APEH: variants seen among roughly 807,000 people sequenced by gnomAD.
APEH encodes acylaminoacyl-peptide hydrolase, also known as acylamino-acid-releasing enzyme.
Under a neutral mutation model 102.7 loss-of-function variants are expected in APEH, and 75 were observed. The ratio of observed to expected loss-of-function variants is 0.73; its 90% CI spans 0.61 to 0.89. The LOEUF is 0.89. Ranked by LOEUF, APEH falls within the 40% of genes least tolerant of loss-of-function variation. The pLI is 0.00. For synonymous variants in APEH, 344 were observed against 362.7 expected (o/e 0.95, Z 0.59); for missense variants, 863 against 941.2 (o/e 0.92, Z 1.09).
intron 13 of APEH, 122 bp from the exon 14 acceptor site, chr3:49,680,419 C>A: frequency 1.2e-6 from 1 of 829,226 alleles, no homozygotes; most frequent in Non-Finnish European, 2.0e-6. Context: ...TTGTGAAAGG[C>A]ACTTCTCGGG....
chr3:49,675,253 C>T lies in APEH; in HGVS notation c.216C>T (p.Asp72=), dbSNP rs761871519. The T allele has an allele frequency of 5.0e-6, 8 of 1,614,014 alleles. No individual in the cohort carries two copies. The highest frequency in any genetic ancestry group is 1.1e-5 in the South Asian group (1 of 91,068). The change falls in exon 3 of 22, where the codon GAC becomes GAT. Residue 72 remains aspartate, a synonymous_variant. Transcript: ENST00000296456. The stretch of plus-strand genomic sequence containing the variant: ...GCCGCCAATACCTGGTGTTCCATGA[C>T]GGGGACTCAGTGGTGTTTGCAGGAC... ...RFCRQYLVFH[D]GDSVVFAGPA...
rs551938167 is a variant in APEH at position 49,677,539 on chromosome 3, C to G, written c.1000-34C>G. ...CTGTGCCCTAAGGGAACTGCCTGTC[C>G]CCTACTGGACCTGACCATTGTGTTC... On this transcript the variant is annotated intron_variant, in intron 10 of 21. Coordinates refer to ENST00000296456, the MANE Select transcript of APEH (RefSeq NM_001640.4). 3.8e-6 allele frequency: 6 copies of G among 1,592,578 alleles called. No individual in the cohort carries two copies. The South Asian group carries it at 5.5e-5, about 15-fold the overall frequency.
At chr3:49,676,877 G>A in intron 9 of APEH, 26 bp from the exon 10 acceptor site, 1 of 1,614,252 alleles carries the variant, frequency 6.2e-7, no homozygotes, top group Non-Finnish European at 8.5e-7. Context: ...CAGCCTGCGT[G>A]ATGCTCATGT....
rs140212646 is a variant in APEH, at chr3:49,678,791, T to G, written c.1061-61T>G. 1.8e-4 allele frequency: 258 copies of G among 1,411,836 alleles called. 1 individual carries two copies. The African/African-American group carries it at 3.3e-3, about 18-fold the overall frequency. The allele number at this position is 1,411,836 out of a possible 1,614,324, so 87.5% of individuals were successfully genotyped here. On this transcript the variant is annotated intron_variant, in intron 11 of 21. Coordinates refer to ENST00000296456, the MANE Select transcript of APEH (RefSeq NM_001640.4). Reference sequence around the variant, plus strand: ...GAATTCCCCAGTACCCTAGCCTTCCTTGTAGACTACCCTCCCTACCTCCAC... The same window carrying G: ...GAATTCCCCAGTACCCTAGCCTTCCGTGTAGACTACCCTCCCTACCTCCAC...
chr3:49,678,931 G>A lies in APEH; in HGVS notation c.1140G>A (p.Ser380=), dbSNP rs146708014. Residue 380 remains serine (S), a synonymous_variant, in exon 12 of 22, where the codon TCG becomes TCA. Coordinates refer to ENST00000296456, the MANE Select transcript of APEH (RefSeq NM_001640.4). ...SADSQRVVFD[S]AQRSRQDLFA... ...ACAGCCAGAGAGTGGTCTTTGACTC[G>A]GCTCAGCGCAGCCGGCAGGTGAGGG... is the stretch of plus-strand genomic sequence containing the variant. The A allele has an allele frequency of 2.9e-4, 465 of 1,613,632 alleles. 1 individual carries two copies. The highest frequency in any genetic ancestry group is 3.2e-4 in the Non-Finnish European group (382 of 1,179,858).
chr3:49,680,678 C>A, intron 14 of APEH, 49 bp downstream of exon 14: 1 of 1,519,232 alleles, frequency 6.6e-7, no homozygotes, highest in Non-Finnish European at 9.1e-7. Flanking sequence ...TCTGGGCAGG[C>A]AGAGCTCACC....
At chr3:49,682,280 G>A (rs898720774) in intron 17 of APEH, 68 bp from the exon 18 acceptor site, 1 of 1,453,146 alleles carries the variant, frequency 6.9e-7, no homozygotes, top group South Asian at 1.2e-5. Flanking sequence ...TCACAGATGT[G>A]TGAAAAGAGC....
chr3:49,679,868 T>A lies in APEH; in HGVS notation c.1210+224T>A, dbSNP rs2053239844. ...TCCCTGCTCTACTGCCCTTTAGCAC[T>A]CAACTCTGTTCCATGTGTCCTGGCC... On this transcript the variant is annotated intron_variant, in intron 13 of 21. Transcript: ENST00000296456. The surrounding 1 kb of genome is among the most constrained non-coding windows in gnomAD (Gnocchi z 4.3). 1 of 507,290 alleles carries A rather than the reference T, an allele frequency of 2.0e-6. No individual in the cohort carries two copies. Among genetic ancestry groups the A allele is most frequent in the African/African-American group, 1.9e-5 (1 of 51,698 alleles). The allele number at this position is 507,290 out of a possible 1,614,324, so 31.4% of individuals were successfully genotyped here.
Position 49,682,946 on chromosome 3 carries a change from G to A in APEH, c.1986+1G>A. 2 of 1,613,692 alleles carry A rather than the reference G, an allele frequency of 1.2e-6. No individual in the cohort carries two copies. The highest frequency in any genetic ancestry group is 8.5e-7 in the Non-Finnish European group (1 of 1,179,856). Reference sequence around the variant, plus strand: ...ATCGCCCATCAGATACATCCCTCAGGTATGCAGCCCCCTCCTTGCCCTGTG... The same window carrying A: ...ATCGCCCATCAGATACATCCCTCAGATATGCAGCCCCCTCCTTGCCCTGTG... On this transcript the variant is annotated splice_donor_variant, in intron 20 of 21. Coordinates refer to ENST00000296456, the MANE Select transcript of APEH (RefSeq NM_001640.4). LOFTEE classifies it high-confidence loss of function.
Position 49,678,907 on chromosome 3 carries a change from C to T in APEH, c.1116C>T (p.Asp372=). 1 of 1,613,944 alleles carries T rather than the reference C, an allele frequency of 6.2e-7. No homozygotes were observed. Residue 372 remains aspartate, a synonymous_variant, in exon 12 of 22, where the codon GAC becomes GAT. Coordinates refer to ENST00000296456, the MANE Select transcript of APEH (RefSeq NM_001640.4). ...TGCCTTTGGGATGCTGGTCAGCTGA[C>T]AGCCAGAGAGTGGTCTTTGACTCGG... ...SLLPLGCWSA[D]SQRVVFDSAQ... is the part of the protein sequence containing the mutation.
In APEH at chr3:49,678,507, G is replaced by T. The variant is rs1357431788; in HGVS notation, c.1061-345G>T. Among the ~76,000 whole-genome samples, 3 of 152,158 alleles carry T rather than the reference G, an allele frequency of 2.0e-5. No individual in the cohort carries two copies. In the East Asian group the frequency reaches 5.8e-4, roughly 29 times the overall value. On this transcript the variant is annotated intron_variant, in intron 11 of 21. Coordinates refer to ENST00000296456, the MANE Select transcript of APEH (RefSeq NM_001640.4). ...CTAAGCACCACAGTGGAGATAAGACGGACAGATGATATCTTGGTTAAAGCA... is the reference window on the plus strand; with the variant it reads ...CTAAGCACCACAGTGGAGATAAGACTGACAGATGATATCTTGGTTAAAGCA...
At position 49,683,387 on chromosome 3, in the gene APEH, G is replaced by A. The variant is rs745482805; in HGVS notation, c.*45G>A. On this transcript the variant is annotated 3_prime_UTR_variant, in exon 22 of 22. Transcript: ENST00000296456. ...AGCTGATCAGCCTGTGCCACACTTCGCTCTTGAGGAGCTCAACGGTCTGGC... is the reference window on the plus strand; with the variant it reads ...AGCTGATCAGCCTGTGCCACACTTCACTCTTGAGGAGCTCAACGGTCTGGC... The A allele has an allele frequency of 1.4e-5, 22 of 1,533,290 alleles. No individual in the cohort carries two copies. The highest frequency in any genetic ancestry group is 1.7e-5 in the Non-Finnish European group (19 of 1,107,618). The allele number at this position is 1,533,290 out of a possible 1,614,324, so 95.0% of individuals were successfully genotyped here.
In APEH at chr3:49,679,974, C is replaced by T. The variant is rs1030246269; in HGVS notation, c.1210+330C>T. On this transcript the variant is annotated intron_variant, in intron 13 of 21. Coordinates refer to ENST00000296456, the MANE Select transcript of APEH (RefSeq NM_001640.4). The surrounding 1 kb of genome is among the most constrained non-coding windows in gnomAD (Gnocchi z 4.3). ...CAAGATCTGCCAGACTCATCCTTCTCGCTCTGCAAACCTTGGGTGCCTGTC... is the reference window on the plus strand; with the variant it reads ...CAAGATCTGCCAGACTCATCCTTCTTGCTCTGCAAACCTTGGGTGCCTGTC... 15 of 274,378 alleles carry T rather than the reference C, an allele frequency of 5.5e-5. No homozygotes were observed. Among genetic ancestry groups the T allele is most frequent in the African/African-American group, 2.0e-4 (9 of 45,548 alleles). The allele number at this position is 274,378 out of a possible 1,614,324, so 17.0% of individuals were successfully genotyped here. A position where few individuals can be genotyped will look rare whatever the true frequency, so the allele number is the denominator to read the frequency against.
chr3:49,682,536 CA>C lies in APEH; in HGVS notation c.1693-9del. ...CAGCTGGCTGCAGCATGCTTTGTCC[CA>C]CCCTGCAGTTTGCAGTGGAACAGGT... On this transcript the variant is annotated splice_polypyrimidine_tract_variant and intron_variant, in intron 18 of 21. Transcript: ENST00000296456. 1 of 1,613,956 alleles carries C rather than the reference CA, an allele frequency of 6.2e-7. No homozygotes were observed. Among genetic ancestry groups the C allele is most frequent in the Non-Finnish European group, 8.5e-7 (1 of 1,179,904 alleles).
At position 49,683,054 on chromosome 3, in the gene APEH, G is replaced by C. The variant is rs1214732483; in HGVS notation, c.2001G>C (p.Leu667=). ...IRYIPQVKTP[L]LLMLGQEDRR... The stretch of plus-strand genomic sequence containing the variant: ...CAAACACCCAGGTGAAGACACCACT[G>C]TTACTGATGTTGGGCCAGGAGGACC... Residue 667 remains leucine, a synonymous_variant, in exon 21 of 22, where the codon CTG becomes CTC. Coordinates refer to ENST00000296456, the MANE Select transcript of APEH (RefSeq NM_001640.4). 2.5e-6 allele frequency: 4 copies of C among 1,613,994 alleles called. No individual in the cohort carries two copies. The highest frequency in any genetic ancestry group is 3.4e-6 in the Non-Finnish European group (4 of 1,179,962).
Position 49,682,333 on chromosome 3 carries a change from C to T in APEH, c.1604-15C>T. 1.2e-6 allele frequency: 2 copies of T among 1,606,034 alleles called. No homozygotes were observed. Among genetic ancestry groups the T allele is most frequent in the Non-Finnish European group, 1.7e-6 (2 of 1,173,830 alleles). On this transcript the variant is annotated splice_polypyrimidine_tract_variant and intron_variant, in intron 17 of 21. Coordinates refer to ENST00000296456, the MANE Select transcript of APEH (RefSeq NM_001640.4). ...TGTTGCCTGACTACACTGTCTGGTC[C>T]CTCCCTGCCCTCAGTGAACTATCGT...
At position 49,675,212 on chromosome 3, in the gene APEH, G is replaced by A; in HGVS notation, c.175G>A (p.Glu59Lys). 1 of 1,614,094 alleles carries A rather than the reference G, an allele frequency of 6.2e-7. No individual in the cohort carries two copies. Among genetic ancestry groups the A allele is most frequent in the East Asian group, 2.2e-5 (1 of 44,884 alleles). Residue 59 changes from glutamate (E) to lysine (K), a missense_variant, in exon 3 of 22, where the codon GAG (glutamate) becomes AAG (lysine). Glu to Lys is a moderately conservative substitution (Grantham distance 56). Coordinates refer to ENST00000296456, the MANE Select transcript of APEH (RefSeq NM_001640.4). ...EWTQRDLERM[E>K]NIRFCRQYLV... ...GACCCAGAGGGACCTGGAACGCATG[G>A]AGAACATTCGATTCTGCCGCCAATA...
chr3:49,673,763 T>G (rs926350867), upstream of APEH, among the ~76,000 whole-genome samples: 1 of 151,704 alleles, frequency 6.6e-6, no homozygotes, highest in Non-Finnish European at 1.5e-5. Context: ...CCGCGGGAGA[T>G]CCACGCTGCG....
intron 2 of APEH, among the ~76,000 whole-genome samples, 171 bp downstream of exon 2, chr3:49,674,792 AG>A (rs2052945889): frequency 1.3e-5 from 2 of 150,514 alleles, no homozygotes; most frequent in South Asian, 4.2e-4. Context: ...GGAGGGGGGG[AG>A]GGGGCGTGCG....
Sources: gnomAD v4.1 joint callset for allele counts (sites outside exome capture counted in the v4.1 genomes callset) on GRCh38, gnomAD v4.1.1 for gene constraint, Gnocchi (gnomAD v3.1) non-coding constraint, MANE v1.5 for transcripts, NCBI Gene and HGNC (gene_info 2026-07-23, HGNC 2026-07-21) for gene names.